SEMA3E: variants seen among roughly 807,000 people sequenced by gnomAD.
SEMA3E encodes semaphorin 3E, also known as semaphorin-3E.
In SEMA3E, 49 loss-of-function variants were observed where a neutral mutation model predicts 93.6. The ratio of observed to expected loss-of-function variants is 0.52; its 90% confidence interval spans 0.42 to 0.66. The LOEUF (loss-of-function observed/expected upper bound fraction) is 0.66. Ranked by LOEUF, SEMA3E falls within the 30% of genes least tolerant of loss-of-function variation. SEMA3E has a pLI of 0.00. For synonymous variants in SEMA3E, 363 were observed against 330.7 expected (o/e 1.10, Z -1.06); for missense variants, 906 against 964.8 (o/e 0.94, Z 0.81).
chr7:83,509,015 G>T (rs981890526), intron 1 of SEMA3E, among the ~76,000 whole-genome samples: 1 of 152,058 alleles, frequency 6.6e-6, no homozygotes. Context: ...TTTGAAGGGG[G>T]AACATGTAAA....
chr7:83,494,163 A>G (rs913999065), intron 1 of SEMA3E, among the ~76,000 whole-genome samples: 1 of 151,910 alleles, frequency 6.6e-6, no homozygotes, highest in African/African-American at 2.4e-5. Context: ...AACAGTTAAG[A>G]TGAGTGGGTT....
intron 1 of SEMA3E, 139 bp downstream of exon 1, chr7:83,648,289 T>G: frequency 4.5e-6 from 3 of 659,428 alleles, no homozygotes; most frequent in Non-Finnish European, 7.9e-6. Context: ...TTTAGGTCAG[T>G]TTTGCAATAA....
chr7:83,595,008 C>T (rs1314592980), intron 1 of SEMA3E, among the ~76,000 whole-genome samples: 1 of 151,014 alleles, frequency 6.6e-6, no homozygotes, highest in Non-Finnish European at 1.5e-5. Context: ...AGGCCTCTTT[C>T]CCTGGACATT....
chr7:83,459,693 G>A (rs923458163), intron 4 of SEMA3E, among the ~76,000 whole-genome samples: 1 of 152,180 alleles, frequency 6.6e-6, no homozygotes, highest in Non-Finnish European at 1.5e-5. Context: ...CCCAAGCCAA[G>A]CCATCGCATC....
chr7:83,587,111 C>T (rs1792645298), intron 1 of SEMA3E, among the ~76,000 whole-genome samples: 1 of 152,064 alleles, frequency 6.6e-6, no homozygotes, highest in Non-Finnish European at 1.5e-5. Context: ...TAAAGATTTT[C>T]CACACAATAT....
At chr7:83,528,849 A>C (rs1035774539) in intron 1 of SEMA3E, among the ~76,000 whole-genome samples, 4 of 152,156 alleles carry the variant, frequency 2.6e-5, no homozygotes, top group African/African-American at 9.6e-5. Context: ...ATGATTTATT[A>C]GTGTTCTCTA....
intron 5 of SEMA3E, 61 bp from the exon 6 acceptor site, chr7:83,408,548 A>T: frequency 6.5e-7 from 1 of 1,537,862 alleles, no homozygotes; most frequent in Admixed American, 1.7e-5. Context: ...CAAATTAAAC[A>T]CATCCAAATT....
At position 83,408,360 on chromosome 7, in the gene SEMA3E, A is replaced by G. The variant is rs768220512; in HGVS notation, c.670+8T>C. 1 of 1,613,570 alleles carries G rather than the reference A, an allele frequency of 6.2e-7. No homozygotes were observed. Among genetic ancestry groups the G allele is most frequent in the Admixed American group, 1.7e-5 (1 of 59,898 alleles). The stretch of plus-strand genomic sequence containing the variant: ...TCCTAATTCACATACTCTTTTCCTC[A>G]TCCTTACCTTTCAACAGACGCTCAT... On this transcript the variant is annotated splice_region_variant and intron_variant, in intron 6 of 16. Coordinates refer to ENST00000643230, the MANE Select transcript of SEMA3E (RefSeq NM_012431.3).
intron 1 of SEMA3E, among the ~76,000 whole-genome samples, chr7:83,599,078 G>A (rs956465391): frequency 2.6e-5 from 4 of 152,200 alleles, no homozygotes; most frequent in South Asian, 2.1e-4. Flanking sequence ...TATAAAAATT[G>A]TAAGAACTCT....
At chr7:83,487,236 C>T (rs1388223551) in intron 2 of SEMA3E, among the ~76,000 whole-genome samples, 2 of 152,024 alleles carry the variant, frequency 1.3e-5, no homozygotes, top group Non-Finnish European at 2.9e-5. Context: ...GTCTTATGGT[C>T]CACATAGGAA....
chr7:83,428,345 GACAAA>G (rs1220356842), intron 4 of SEMA3E, among the ~76,000 whole-genome samples: 1 of 152,032 alleles, frequency 6.6e-6, no homozygotes, highest in Non-Finnish European at 1.5e-5. Flanking sequence ...AGTACTACAG[GACAAA>G]ACAAACAATC....
At position 83,635,435 on chromosome 7, in the gene SEMA3E, T is replaced by G. The variant is rs569071445; in HGVS notation, c.115+12993A>C. Among the ~76,000 whole-genome samples the G allele has an allele frequency of 5.9e-5, 9 of 151,942 alleles. No homozygotes were observed. In the South Asian group the frequency reaches 1.9e-3, roughly 31 times the overall value. ...CAGTGCTTCCCATTTCTATTTTTATTTACTCTTTATAATAATAAGGTATGG... is the reference window on the plus strand; with the variant it reads ...CAGTGCTTCCCATTTCTATTTTTATGTACTCTTTATAATAATAAGGTATGG... On this transcript the variant is annotated intron_variant, in intron 1 of 16. Transcript: ENST00000643230.
intron 16 of SEMA3E, among the ~76,000 whole-genome samples, chr7:83,374,919 C>T (rs1372505791): frequency 1.3e-5 from 2 of 151,806 alleles, no homozygotes; most frequent in East Asian, 3.9e-4. Flanking sequence ...GTAAATTATG[C>T]ATCTGAAGTG....
intron 1 of SEMA3E, among the ~76,000 whole-genome samples, chr7:83,542,365 C>T (rs17447180): frequency 0.078 from 11,885 of 151,900 alleles, 609 homozygotes; most frequent in East Asian, 0.21. Flanking sequence ...AGGTCAAACT[C>T]TTGATAACTA....
intron 4 of SEMA3E, among the ~76,000 whole-genome samples, chr7:83,423,605 G>A (rs1228113763): frequency 6.7e-6 from 1 of 150,002 alleles, no homozygotes; most frequent in Non-Finnish European, 1.5e-5. Context: ...CCGGGTTCAT[G>A]CCATTCTCCT....
At chr7:83,531,252 A>G (rs1791288632) in intron 1 of SEMA3E, among the ~76,000 whole-genome samples, 1 of 146,706 alleles carries the variant, frequency 6.8e-6, no homozygotes, top group Non-Finnish European at 1.5e-5. Flanking sequence ...AAGAAAATCA[A>G]ACAAGGAGTA....
intron 1 of SEMA3E, among the ~76,000 whole-genome samples, chr7:83,515,173 C>T (rs1790901334): frequency 6.6e-6 from 1 of 152,028 alleles, no homozygotes; most frequent in East Asian, 1.9e-4. Context: ...AGCGCCCCTC[C>T]TCTCCTCCTT....
At chr7:83,576,662 G>A (rs145797517) in intron 1 of SEMA3E, among the ~76,000 whole-genome samples, 15,044 of 152,120 alleles carry the variant, frequency 0.099, 985 homozygotes, top group East Asian at 0.2. Flanking sequence ...GTCTCACTCT[G>A]TTGTCCAGGC....
chr7:83,494,003 A>T (rs1790438444), intron 1 of SEMA3E, among the ~76,000 whole-genome samples: 1 of 151,880 alleles, frequency 6.6e-6, no homozygotes, highest in African/African-American at 2.4e-5. Flanking sequence ...AATGTTTATT[A>T]TATATTTACT....
Sources: allele counts gnomAD v4.1 joint callset (sites outside exome capture counted in the v4.1 genomes callset), GRCh38; gene constraint gnomAD v4.1.1; transcripts MANE v1.5; gene names NCBI Gene and HGNC (gene_info 2026-07-23, HGNC 2026-07-21).